RIMS1: variants seen among roughly 807,000 people sequenced by gnomAD.
The protein encoded by RIMS1 is regulating synaptic membrane exocytosis protein 1.
Under a neutral mutation model 214.1 loss-of-function variants are expected in RIMS1, and 83 were observed. The observed-to-expected ratio is 0.39, with a 90% CI of 0.32 to 0.47. RIMS1 has a LOEUF of 0.47. RIMS1 is among the 20% of genes least tolerant of loss of function. The pLI, the probability that RIMS1 is intolerant of heterozygous loss-of-function variation, is 0.99. For synonymous variants in RIMS1, 793 were observed against 786.8 expected, an observed-to-expected ratio of 1.01 and a Z score of -0.13; for missense variants, 2,050 against 2,161.8, an observed-to-expected ratio of 0.95 and a Z score of 1.03.
chr6:72,053,146 A>G (rs573488472), intron 2 of RIMS1, among the ~76,000 whole-genome samples: 93 of 151,858 alleles, frequency 6.1e-4, no homozygotes, highest in African/African-American at 2.1e-3. Flanking sequence ...CATAGGTCTG[A>G]CTCCTCTCTC....
intron 29 of RIMS1, among the ~76,000 whole-genome samples, chr6:72,354,810 T>A (rs966800030): frequency 7.9e-5 from 12 of 152,218 alleles, no homozygotes; most frequent in African/African-American, 2.9e-4. Flanking sequence ...TGGGGTTCTG[T>A]TAACATAAGT....
chr6:71,979,013 C>T (rs1229833720), intron 2 of RIMS1, among the ~76,000 whole-genome samples: 1 of 152,020 alleles, frequency 6.6e-6, no homozygotes, highest in Admixed American at 6.6e-5. Flanking sequence ...ATATGATTTG[C>T]TGGCTTATGC....
At chr6:72,175,526 A>G (rs1175892856) in intron 4 of RIMS1, among the ~76,000 whole-genome samples, 1 of 152,054 alleles carries the variant, frequency 6.6e-6, no homozygotes. Context: ...TACAAAAATT[A>G]GCTGGGCGTG....
At chr6:72,040,721 C>T (rs1821206286) in intron 2 of RIMS1, among the ~76,000 whole-genome samples, 1 of 151,794 alleles carries the variant, frequency 6.6e-6, no homozygotes, top group African/African-American at 2.4e-5. Flanking sequence ...ACTTGAAAAG[C>T]TAAAATAAAT....
At chr6:72,278,650 T>C (rs185278249) in intron 23 of RIMS1, among the ~76,000 whole-genome samples, 2 of 152,220 alleles carry the variant, frequency 1.3e-5, no homozygotes, top group Admixed American at 6.5e-5. Context: ...TCTGTGCTTT[T>C]CAAAAATACT....
At chr6:71,926,790 G>T (rs1480606452) in intron 1 of RIMS1, among the ~76,000 whole-genome samples, 1 of 152,010 alleles carries the variant, frequency 6.6e-6, no homozygotes, top group Admixed American at 6.6e-5. Flanking sequence ...TAACTACATA[G>T]GTACGATTCA....
At chr6:72,186,469 G>A (rs1294328119) in intron 6 of RIMS1, among the ~76,000 whole-genome samples, 2 of 152,166 alleles carry the variant, frequency 1.3e-5, no homozygotes, top group African/African-American at 4.8e-5. Flanking sequence ...CCATTAGATA[G>A]TGCTTATGTA....
At position 71,967,351 on chromosome 6, in the gene RIMS1, G is replaced by C. The variant is rs866420578; in HGVS notation, c.165-1632G>C. ...TGCAGTGAGTAGAGATTGCACCACT[G>C]CACTCCATCCTGGGCAACAGAGCGA... On this transcript the variant is annotated intron_variant, in intron 1 of 33. Coordinates refer to ENST00000521978, the MANE Select transcript of RIMS1 (RefSeq NM_014989.7). Among the ~76,000 whole-genome samples, 3 of 151,904 alleles carry C rather than the reference G, an allele frequency of 2.0e-5. No homozygotes were observed. In the South Asian group the frequency reaches 6.2e-4, roughly 32 times the overall value.
chr6:72,360,688 A>G (rs1332521372), intron 29 of RIMS1, among the ~76,000 whole-genome samples: 1 of 149,130 alleles, frequency 6.7e-6, no homozygotes, highest in East Asian at 1.9e-4. Context: ...AATATATTCT[A>G]TACTATATAT....
chr6:72,400,360 C>T (rs1018215834), intron 33 of RIMS1, 136 bp from the exon 34 acceptor site: 2 of 689,462 alleles, frequency 2.9e-6, no homozygotes, highest in Middle Eastern at 3.8e-4. Flanking sequence ...GTGCCTTCTC[C>T]TTGGTGATAG....
At chr6:72,169,963 C>T (rs1403168164) in intron 4 of RIMS1, among the ~76,000 whole-genome samples, 5 of 152,078 alleles carry the variant, frequency 3.3e-5, no homozygotes, top group Admixed American at 2.0e-4. Context: ...TCCAATGGCT[C>T]GTCATTACTC....
intron 4 of RIMS1, among the ~76,000 whole-genome samples, chr6:72,109,734 T>C (rs1343799525): frequency 1.3e-5 from 2 of 152,238 alleles, no homozygotes; most frequent in East Asian, 3.8e-4. Flanking sequence ...TTTTGGCTTT[T>C]GTTGCCATTG....
At chr6:72,266,642 A>G (rs1383669932) in intron 22 of RIMS1, among the ~76,000 whole-genome samples, 1 of 152,166 alleles carries the variant, frequency 6.6e-6, no homozygotes, top group Non-Finnish European at 1.5e-5. Context: ...ATACATATAT[A>G]TGTACACAGA....
At chr6:72,372,530 G>T (rs2098250089) in intron 29 of RIMS1, among the ~76,000 whole-genome samples, 1 of 152,098 alleles carries the variant, frequency 6.6e-6, no homozygotes, top group African/African-American at 2.4e-5. Context: ...CAAAAAATGT[G>T]AACTTATTGT....
chr6:72,017,207 T>C (rs1813050109), intron 2 of RIMS1, among the ~76,000 whole-genome samples: 1 of 152,236 alleles, frequency 6.6e-6, no homozygotes, highest in Non-Finnish European at 1.5e-5. Flanking sequence ...ATCCCTGCTC[T>C]ATCTTAATAT....
intron 4 of RIMS1, among the ~76,000 whole-genome samples, chr6:72,144,260 G>C (rs867058349): frequency 6.6e-6 from 1 of 152,220 alleles, no homozygotes; most frequent in South Asian, 2.1e-4. Flanking sequence ...ATGCCTCAAT[G>C]GTTCTGAATT....
At chr6:72,295,588 G>A (rs900850835) in intron 26 of RIMS1, among the ~76,000 whole-genome samples, 2 of 151,414 alleles carry the variant, frequency 1.3e-5, no homozygotes, top group Non-Finnish European at 3.0e-5. Context: ...AAATCACAAT[G>A]GATTCAAGTT....
chr6:72,314,211 G>A (rs922576376), intron 28 of RIMS1, among the ~76,000 whole-genome samples: 1 of 152,110 alleles, frequency 6.6e-6, no homozygotes, highest in African/African-American at 2.4e-5. Context: ...TGCTGAAAGG[G>A]AAAAGACCCC....
intron 1 of RIMS1, among the ~76,000 whole-genome samples, chr6:71,903,758 G>GT (rs1457810521): frequency 5.3e-4 from 81 of 151,656 alleles, no homozygotes; most frequent in African/African-American, 1.9e-3. Flanking sequence ...GTGTGTGTGT[G>GT]TGTTTTTTTT....
Sources: allele counts gnomAD v4.1 joint callset (sites outside exome capture counted in the v4.1 genomes callset), GRCh38; gene constraint gnomAD v4.1.1; transcripts MANE v1.5; gene names NCBI Gene and HGNC (gene_info 2026-07-23, HGNC 2026-07-21).